The following NOL4 variants were observed in gnomAD, a reference collection of about 807,000 sequenced individuals.
The protein encoded by NOL4 is nucleolar protein 4.
NOL4 carries 17 observed loss-of-function variants against 75.9 expected under a neutral mutation model. The ratio of observed to expected loss-of-function variants is 0.22; its 90% CI spans 0.15 to 0.34. The LOEUF is 0.34. NOL4 is among the 10% of genes least tolerant of loss of function. The probability of loss-of-function intolerance (pLI) is 1.00; values close to 1 mark genes in which losing one functional copy is unlikely to be tolerated. For synonymous variants in NOL4, 292 were observed against 289.9 expected (o/e 1.01, Z -0.07); for missense variants, 614 against 793.5 (o/e 0.77, Z 2.72).
At chr18:34,131,856 T>A (rs908005897) in intron 1 of NOL4, among the ~76,000 whole-genome samples, 1 of 152,176 alleles carries the variant, frequency 6.6e-6, no homozygotes, top group Non-Finnish European at 1.5e-5. Context: ...AATTGAGGCA[T>A]TTGTGAAGCT....
intron 9 of NOL4, among the ~76,000 whole-genome samples, chr18:33,897,623 G>A (rs1013031566): frequency 9.9e-5 from 15 of 152,144 alleles, no homozygotes; most frequent in African/African-American, 3.4e-4. Context: ...GAAGGTGGGA[G>A]GAGGAAGAGG....
At chr18:34,219,291 T>C (rs542814223) in intron 1 of NOL4, among the ~76,000 whole-genome samples, 34 of 152,366 alleles carry the variant, frequency 2.2e-4, no homozygotes, top group African/African-American at 6.7e-4. Flanking sequence ...ATCTTTTGAT[T>C]ATACAGTTTC....
chr18:33,957,394 G>A lies in NOL4; in HGVS notation c.1360C>T (p.Arg454Cys), dbSNP rs781396096. Reference sequence around the variant, plus strand: ...TAAGTACGTATACGTTTTCTGGCACGCTCTTGATACTCAGGGAATTGTCGC... The same window carrying A: ...TAAGTACGTATACGTTTTCTGGCACACTCTTGATACTCAGGGAATTGTCGC... Reference protein sequence around the residue: ...CRRQFPEYQERARKRIRTYLK... With the variant: ...CRRQFPEYQECARKRIRTYLK... The change falls in exon 8 of 11, where the codon CGT becomes TGT. Residue 454 changes from arginine (R) to cysteine (C), a missense_variant. Around this residue, in one of 9 missense-constraint regions of NOL4, gnomAD observed 52 missense variants for 121.1 expected, o/e 0.43. Transcript: ENST00000261592. 1 of 1,613,542 alleles carries A rather than the reference G, an allele frequency of 6.2e-7. No homozygotes were observed. The highest frequency in any genetic ancestry group is 8.5e-7 in the Non-Finnish European group (1 of 1,179,814).
intron 9 of NOL4, among the ~76,000 whole-genome samples, chr18:33,891,043 G>T (rs968192841): frequency 7.3e-5 from 11 of 151,256 alleles, no homozygotes; most frequent in South Asian, 4.2e-4. Flanking sequence ...TCTGGAGAAA[G>T]AAATTTATAT....
At chr18:34,142,429 C>T (rs2081210161) in intron 1 of NOL4, among the ~76,000 whole-genome samples, 2 of 152,136 alleles carry the variant, frequency 1.3e-5, no homozygotes, top group South Asian at 4.1e-4. Context: ...TTGGAACCAA[C>T]CCAAATGTCC....
At chr18:33,883,654 G>T (rs2064450977) in intron 9 of NOL4, among the ~76,000 whole-genome samples, 1 of 152,130 alleles carries the variant, frequency 6.6e-6, no homozygotes, top group South Asian at 2.1e-4. Flanking sequence ...GTTTTCAATT[G>T]AATATAAAAT....
intron 5 of NOL4, among the ~76,000 whole-genome samples, chr18:34,049,818 G>T (rs921558530): frequency 6.6e-6 from 1 of 152,074 alleles, no homozygotes; most frequent in African/African-American, 2.4e-5. Context: ...GGACTTTATG[G>T]ATGTCGCTGT....
At chr18:33,994,772 G>T (rs2146152307) in intron 6 of NOL4, among the ~76,000 whole-genome samples, 1 of 151,384 alleles carries the variant, frequency 6.6e-6, no homozygotes, top group East Asian at 2.0e-4. Context: ...ACAAGCAAAA[G>T]AAAGAAAATA....
intron 10 of NOL4, among the ~76,000 whole-genome samples, chr18:33,863,535 G>T (rs2063280867): frequency 1.3e-5 from 2 of 152,294 alleles, no homozygotes; most frequent in East Asian, 3.9e-4. Flanking sequence ...CCCCATACAA[G>T]TCTGAAACCC....
chr18:34,030,529 TATA>T (rs1247429063), intron 5 of NOL4, among the ~76,000 whole-genome samples: 2 of 152,170 alleles, frequency 1.3e-5, no homozygotes, highest in African/African-American at 4.8e-5. Flanking sequence ...AAAGTGAGAA[TATA>T]ATAATCTTCA....
At chr18:33,874,764 T>C (rs537695923) in intron 10 of NOL4, among the ~76,000 whole-genome samples, 2 of 152,014 alleles carry the variant, frequency 1.3e-5, no homozygotes, top group South Asian at 4.1e-4. Flanking sequence ...AGATGAAAAA[T>C]ATGTTTCAGA....
intron 1 of NOL4, chr18:34,221,958 G>T: frequency 7.1e-7 from 1 of 1,402,450 alleles, no homozygotes; most frequent in South Asian, 1.2e-5. Context: ...ACCCCAAAGC[G>T]AGGCAAAAAT....
chr18:34,160,116 A>G (rs1045102335), intron 1 of NOL4, among the ~76,000 whole-genome samples: 1 of 152,212 alleles, frequency 6.6e-6, no homozygotes, highest in Non-Finnish European at 1.5e-5. Context: ...AGCTAAGTCA[A>G]CGGGGACTCT....
At chr18:34,080,709 T>C (rs903220453) in intron 5 of NOL4, among the ~76,000 whole-genome samples, 3 of 152,148 alleles carry the variant, frequency 2.0e-5, no homozygotes. Flanking sequence ...TCATCTTTAA[T>C]AACAGTTAGG....
intron 10 of NOL4, among the ~76,000 whole-genome samples, chr18:33,863,470 C>T (rs1402684573): frequency 6.6e-6 from 1 of 152,102 alleles, no homozygotes; most frequent in African/African-American, 2.4e-5. Context: ...ACAGGCATTG[C>T]ATAAATGCTT....
rs534237005 is a variant in NOL4 at position 34,008,614 on chromosome 18, C to T, written c.1056+10704G>A. Among the ~76,000 whole-genome samples, 28 of 152,012 alleles carry T rather than the reference C, an allele frequency of 1.8e-4. No homozygotes were observed. The East Asian group carries it at 3.9e-3, about 21-fold the overall frequency. On this transcript the variant is annotated intron_variant, in intron 6 of 10. Transcript: ENST00000261592. Reference sequence around the variant, plus strand: ...AGTTTGCACATTGTGATTTGAGAATCGCAATGCAAAGCTCATAAGGCCCCA... The same window carrying T: ...AGTTTGCACATTGTGATTTGAGAATTGCAATGCAAAGCTCATAAGGCCCCA...
chr18:34,102,996 C>A (rs1021671954), intron 4 of NOL4, among the ~76,000 whole-genome samples: 1 of 151,966 alleles, frequency 6.6e-6, no homozygotes, highest in Admixed American at 6.6e-5. Flanking sequence ...CTATTGAGAT[C>A]AAACAATTTT....
At chr18:33,967,897 C>T (rs2070734633) in intron 6 of NOL4, among the ~76,000 whole-genome samples, 2 of 151,920 alleles carry the variant, frequency 1.3e-5, no homozygotes, top group African/African-American at 4.8e-5. Flanking sequence ...ACCAGCCTGG[C>T]CAATATGGTG....
intron 1 of NOL4, among the ~76,000 whole-genome samples, chr18:34,148,974 GAATT>G (rs1447103176): frequency 6.6e-6 from 1 of 151,590 alleles, no homozygotes; most frequent in Non-Finnish European, 1.5e-5. Context: ...CTTGAGAAAT[GAATT>G]ATTTAATATA....
Sources: allele counts gnomAD v4.1 joint callset (sites outside exome capture counted in the v4.1 genomes callset), GRCh38; gene constraint gnomAD v4.1.1; regional missense constraint gnomAD v4.1.1; transcripts MANE v1.5; gene names NCBI Gene and HGNC (gene_info 2026-07-23, HGNC 2026-07-21).